The following SUGT1 variants were observed in gnomAD, a reference collection of about 807,000 sequenced individuals.
SUGT1 encodes SGT1 assembly cochaperone of MIS12 kinetochore complex.
A neutral mutation model predicts 56.1 loss-of-function variants in SUGT1; 15 were observed. The ratio of observed to expected loss-of-function variants is 0.27; its 90% confidence interval spans 0.18 to 0.41. The LOEUF (loss-of-function observed/expected upper bound fraction) is 0.41, where lower values mean the gene tolerates loss of function less well. Among genes scored for constraint, SUGT1 ranks in the 10% least tolerant of loss-of-function variants. The pLI, the probability that SUGT1 is intolerant of heterozygous loss-of-function variation, is 1.00. For missense variants in SUGT1, 347 were observed against 382.2 expected, an observed-to-expected ratio of 0.91 and a Z score of 0.77; for synonymous variants, 123 against 128.6, an observed-to-expected ratio of 0.96 and a Z score of 0.30.
chr13:52,658,113 C>A, intron 3 of SUGT1: 13 of 1,312,430 alleles, frequency 9.9e-6, no homozygotes, highest in Non-Finnish European at 1.3e-5. Context: ...AAACTGAATA[C>A]CTTGAGTAAA....
intron 2 of SUGT1, among the ~76,000 whole-genome samples, chr13:52,656,279 T>C (rs952585508): frequency 3.9e-5 from 6 of 152,222 alleles, no homozygotes; most frequent in African/African-American, 1.2e-4. Flanking sequence ...TGGAGTCATC[T>C]TCAGTTTCTC....
chr13:52,653,823 GT>G (rs1008714764), intron 2 of SUGT1, among the ~76,000 whole-genome samples: 15 of 150,022 alleles, frequency 1.0e-4, no homozygotes, highest in African/African-American at 3.4e-4. Flanking sequence ...GTTTTTGTTT[GT>G]TTTTGCGTTA....
At chr13:52,656,889 A>G (rs1336130723) in intron 2 of SUGT1, among the ~76,000 whole-genome samples, 1 of 152,200 alleles carries the variant, frequency 6.6e-6, no homozygotes, top group Non-Finnish European at 1.5e-5. Flanking sequence ...TTTTCCAGCT[A>G]CCACACCTAT....
chr13:52,666,581 T>C (rs1217843461), intron 9 of SUGT1, among the ~76,000 whole-genome samples: 2 of 152,314 alleles, frequency 1.3e-5, no homozygotes, highest in East Asian at 1.9e-4. Flanking sequence ...ATGAAACTTA[T>C]TCTTTTCTGC....
chr13:52,681,801 C>T (rs1039711125), intron 12 of SUGT1, among the ~76,000 whole-genome samples: 8 of 149,026 alleles, frequency 5.4e-5, no homozygotes, highest in Non-Finnish European at 1.2e-4. Context: ...TGCCACTACA[C>T]TTAGCTTGGG....
rs1455656248 is a variant in SUGT1 at position 52,687,941 on chromosome 13, A to G, written c.*106A>G. On this transcript the variant is annotated 3_prime_UTR_variant, in exon 13 of 13. Coordinates refer to ENST00000310528, the MANE Select transcript of SUGT1 (RefSeq NM_006704.5). ...ACACTGAATATCTTTTTGAAAGATT[A>G]TACTTCTTTACCTCTTTGTGCTTTA... 3.1e-6 allele frequency: 2 copies of G among 638,022 alleles called. No individual in the cohort carries two copies. The highest frequency in any genetic ancestry group is 4.9e-6 in the Non-Finnish European group (2 of 405,050). 39.5% of individuals were successfully genotyped at this position (638,022 alleles called of 1,614,324 possible).
At chr13:52,678,283 GA>G (rs1016272022) in intron 11 of SUGT1, among the ~76,000 whole-genome samples, 5 of 152,024 alleles carry the variant, frequency 3.3e-5, no homozygotes, top group African/African-American at 9.6e-5. Context: ...ATTTGGCCCT[GA>G]AAAAAAACTA....
intron 2 of SUGT1, among the ~76,000 whole-genome samples, chr13:52,654,970 G>C (rs1267548815): frequency 6.6e-6 from 1 of 152,194 alleles, no homozygotes; most frequent in Non-Finnish European, 1.5e-5. Flanking sequence ...GAATTGCCTA[G>C]GATAGTCATG....
In SUGT1 at chr13:52,687,842, T is replaced by C; in HGVS notation, c.*7T>C. 2 of 1,572,204 alleles carry C rather than the reference T, an allele frequency of 1.3e-6. No individual in the cohort carries two copies. Among genetic ancestry groups the C allele is most frequent in the Non-Finnish European group, 1.7e-6 (2 of 1,156,764 alleles). ...GGAATGGAAAAAGTACTAAATAAAT[T>C]AATTTGCTCTCATCGTATTGTGTAT... On this transcript the variant is annotated 3_prime_UTR_variant, in exon 13 of 13. Transcript: ENST00000310528.
Position 52,690,463 on chromosome 13 carries a change from C to T in SUGT1, c.*2628C>T, listed in dbSNP as rs893599612. Reference sequence around the variant, plus strand: ...TTTCTTCAGAATGTATGTATTTTTCCTCTTAAATGTTTCCTTTCCCTTTTA... The same window carrying T: ...TTTCTTCAGAATGTATGTATTTTTCTTCTTAAATGTTTCCTTTCCCTTTTA... On this transcript the variant is annotated 3_prime_UTR_variant, in exon 13 of 13. Coordinates refer to ENST00000310528, the MANE Select transcript of SUGT1 (RefSeq NM_006704.5). 2.6e-5 allele frequency: 4 copies of T among 152,024 alleles called. No individual in the cohort carries two copies. Among genetic ancestry groups the T allele is most frequent in the Admixed American group, 2.0e-4 (3 of 15,252 alleles). The allele number at this position is 152,024 out of a possible 1,614,324, so 9.4% of individuals were successfully genotyped here. A position where few individuals can be genotyped will look rare whatever the true frequency, so the allele number is the denominator to read the frequency against.
At chr13:52,683,269 T>C (rs1017817855) in intron 12 of SUGT1, among the ~76,000 whole-genome samples, 1 of 152,244 alleles carries the variant, frequency 6.6e-6, no homozygotes, top group Non-Finnish European at 1.5e-5. Context: ...TGTCAAGTTA[T>C]GAAAGTTCTG....
chr13:52,666,654 A>G (rs1566183107), intron 9 of SUGT1, among the ~76,000 whole-genome samples, 158 bp from the exon 10 acceptor site: 2 of 151,488 alleles, frequency 1.3e-5, no homozygotes, highest in Middle Eastern at 6.8e-3. Context: ...AGGTTCTTAA[A>G]TCTTTGAGAA....
chr13:52,680,910 C>T (rs1446241384), intron 12 of SUGT1, among the ~76,000 whole-genome samples: 1 of 152,100 alleles, frequency 6.6e-6, no homozygotes, highest in East Asian at 1.9e-4. Context: ...GGCGTGATCT[C>T]GGCTCACTGC....
At chr13:52,680,212 G>T in intron 12 of SUGT1, 57 bp downstream of exon 12, 1 of 1,496,838 alleles carries the variant, frequency 6.7e-7, no homozygotes, top group Non-Finnish European at 8.9e-7. Flanking sequence ...TATTTTAAAC[G>T]AGAAAATTGG....
intron 8 of SUGT1, among the ~76,000 whole-genome samples, chr13:52,664,902 A>G (rs1003783131): frequency 2.0e-5 from 3 of 152,174 alleles, no homozygotes; most frequent in African/African-American, 7.2e-5. Flanking sequence ...TAGGGATATA[A>G]TAGCGACAGG....
intron 5 of SUGT1, among the ~76,000 whole-genome samples, chr13:52,659,810 A>ATTT: frequency 4.6e-5 from 1 of 21,580 alleles, no homozygotes; most frequent in Non-Finnish European, 8.1e-5. Flanking sequence ...ATATATATAT[A>ATTT]TATATTTTTT....
intron 2 of SUGT1, among the ~76,000 whole-genome samples, chr13:52,655,649 G>A (rs1004761970): frequency 7.9e-5 from 12 of 152,176 alleles, no homozygotes; most frequent in Non-Finnish European, 1.5e-4. Flanking sequence ...GTTTCTGGCT[G>A]GGGGAATGTT....
At chr13:52,657,440 CAAT>C in intron 2 of SUGT1, 89 bp from the exon 3 acceptor site, 1 of 1,078,936 alleles carries the variant, frequency 9.3e-7, no homozygotes, top group Non-Finnish European at 1.4e-6. Flanking sequence ...TAGCTTCTGA[CAAT>C]AAGTTACTTG....
chr13:52,683,621 A>T (rs1432353413), intron 12 of SUGT1, among the ~76,000 whole-genome samples: 1 of 152,204 alleles, frequency 6.6e-6, no homozygotes, highest in Admixed American at 6.5e-5. Context: ...GAAGCATTGC[A>T]TCCTCTTCTG....
Sources: allele counts gnomAD v4.1 joint callset (sites outside exome capture counted in the v4.1 genomes callset), GRCh38; gene constraint gnomAD v4.1.1; transcripts MANE v1.5; gene names NCBI Gene and HGNC (gene_info 2026-07-23, HGNC 2026-07-21).